Variants in TMEM164 observed in about 807,000 individuals in gnomAD.
TMEM164 encodes the protein RP13-360B22.2.
Under a neutral mutation model 18.8 loss-of-function variants are expected in TMEM164, and 4 were observed. The observed-to-expected ratio is 0.21, with a 90% confidence interval of 0.10 to 0.49. The LOEUF (loss-of-function observed/expected upper bound fraction) is 0.49, where lower values mean the gene tolerates loss of function less well. Ranked by LOEUF, TMEM164 falls within the 20% of genes least tolerant of loss-of-function variation. TMEM164 has a pLI of 0.98. For synonymous variants in TMEM164, 86 were observed against 101.7 expected (o/e 0.85, Z 0.93); for missense variants, 108 against 239.9 (o/e 0.45, Z 3.63).
chrX:110,011,557 T>C (rs770503326), intron 2 of TMEM164, among the ~76,000 whole-genome samples: 8 of 112,307 alleles, frequency 7.1e-5, no homozygotes, highest in Admixed American at 5.6e-4. Context: ...AAAGGCTATG[T>C]GCTATCTCCC....
intron 4 of TMEM164, among the ~76,000 whole-genome samples, chrX:110,128,819 C>A (rs2066571665): frequency 9.0e-6 from 1 of 111,439 alleles, no homozygotes; most frequent in Non-Finnish European, 1.9e-5. Flanking sequence ...GTTTTTATTT[C>A]AGTTATTATA....
downstream of TMEM164, among the ~76,000 whole-genome samples, chrX:110,182,098 C>CT (rs887218541): frequency 1.1e-4 from 12 of 109,521 alleles, no homozygotes; most frequent in Non-Finnish European, 1.9e-4. Context: ...TAATCAGCAC[C>CT]TTTTTTTTTC....
At chrX:110,041,698 G>A (rs1935100819) in intron 2 of TMEM164, among the ~76,000 whole-genome samples, 1 of 111,906 alleles carries the variant, frequency 8.9e-6, no homozygotes, top group South Asian at 3.7e-4. Flanking sequence ...ACGAACAAAC[G>A]ATCAGAAGTA....
intron 2 of TMEM164, among the ~76,000 whole-genome samples, chrX:110,047,136 C>G (rs779786506): frequency 4.5e-5 from 5 of 111,710 alleles, no homozygotes; most frequent in South Asian, 3.7e-4. Context: ...AATTATCAAC[C>G]CTTCTCTTTC....
At chrX:110,172,728 T>C (rs2067247751) in intron 6 of TMEM164, among the ~76,000 whole-genome samples, 1 of 111,710 alleles carries the variant, frequency 9.0e-6, no homozygotes, top group South Asian at 3.8e-4. Context: ...ATGAGTCCAT[T>C]CAGGTACCAC....
intron 5 of TMEM164, among the ~76,000 whole-genome samples, chrX:110,156,460 A>T (rs2067017351): frequency 9.0e-6 from 1 of 111,177 alleles, no homozygotes; most frequent in African/African-American, 3.3e-5. Flanking sequence ...TTGAGGTGCT[A>T]TGGGAATAAG....
In TMEM164 at chrX:110,176,285, A is replaced by G. The variant is rs1171318255; in HGVS notation, c.*2834A>G. ...CACTCCAAATAGCAGAGACCCAGTCACGCCTGCTTCTGGTCCTCCCTGCCC... is the reference window on the plus strand; with the variant it reads ...CACTCCAAATAGCAGAGACCCAGTCGCGCCTGCTTCTGGTCCTCCCTGCCC... On this transcript the variant is annotated 3_prime_UTR_variant, in exon 7 of 7. Coordinates refer to ENST00000372068, the MANE Select transcript of TMEM164 (RefSeq NM_032227.4). 6.6e-6 allele frequency: 5 copies of G among 754,694 alleles called. No individual in the cohort carries two copies. The East Asian group carries it at 4.6e-4, about 69-fold the overall frequency. 62.2% of individuals were successfully genotyped at this position (754,694 alleles called of 1,213,427 possible).
chrX:110,108,240 A>G (rs2147973504), intron 3 of TMEM164, among the ~76,000 whole-genome samples: 1 of 109,419 alleles, frequency 9.1e-6, no homozygotes, highest in South Asian at 4.0e-4. Flanking sequence ...ACAGACTGTC[A>G]TTCTTTTCAT....
At chrX:110,067,997 G>A (rs1470557501) in intron 3 of TMEM164, among the ~76,000 whole-genome samples, 1 of 112,535 alleles carries the variant, frequency 8.9e-6, no homozygotes. Flanking sequence ...CGTGAGTTGT[G>A]ACCACCTCAC....
intron 5 of TMEM164, among the ~76,000 whole-genome samples, chrX:110,167,228 C>T (rs961421214): frequency 1.8e-5 from 2 of 112,011 alleles, no homozygotes; most frequent in Admixed American, 1.9e-4. Flanking sequence ...CTCACCAGCC[C>T]TTAGAGGTAG....
intron 4 of TMEM164, among the ~76,000 whole-genome samples, chrX:110,113,157 ATC>A (rs983318016): frequency 2.7e-5 from 3 of 112,182 alleles, no homozygotes; most frequent in African/African-American, 9.7e-5. Flanking sequence ...CAACTAACTT[ATC>A]AAAAATGTTT....
chrX:110,006,155 A>G (rs747094787), intron 2 of TMEM164, among the ~76,000 whole-genome samples: 5 of 111,478 alleles, frequency 4.5e-5, no homozygotes, highest in Admixed American at 9.5e-5. Flanking sequence ...TCTTGTCTCC[A>G]TAAGTCGTAG....
chrX:110,051,667 G>T (rs1379322598), intron 2 of TMEM164, among the ~76,000 whole-genome samples: 1 of 111,255 alleles, frequency 9.0e-6, no homozygotes, highest in Non-Finnish European at 1.9e-5. Flanking sequence ...TGTAACAGTG[G>T]CTTGAGGATT....
intron 2 of TMEM164, among the ~76,000 whole-genome samples, chrX:110,038,181 C>G (rs1443961294): frequency 9.2e-6 from 1 of 109,037 alleles, no homozygotes; most frequent in Non-Finnish European, 1.9e-5. Context: ...TAGTAGAGAA[C>G]GGGGTTTCAC....
intron 3 of TMEM164, among the ~76,000 whole-genome samples, chrX:110,100,638 C>T (rs983532968): frequency 8.9e-6 from 1 of 111,936 alleles, no homozygotes; most frequent in Non-Finnish European, 1.9e-5. Context: ...GTGGCACAAT[C>T]TCGGCTCACT....
intron 3 of TMEM164, among the ~76,000 whole-genome samples, chrX:110,080,634 T>C (rs2065739414): frequency 8.9e-6 from 1 of 112,454 alleles, no homozygotes; most frequent in Non-Finnish European, 1.9e-5. Context: ...AATATAGTTA[T>C]ACCTTATATT....
intron 2 of TMEM164, among the ~76,000 whole-genome samples, chrX:110,022,098 G>C (rs776499358): frequency 2.7e-5 from 3 of 111,757 alleles, no homozygotes; most frequent in Non-Finnish European, 3.8e-5. Flanking sequence ...AGGCATTTAA[G>C]AAAAAACTCC....
chrX:110,071,497 G>A (rs756241367), intron 3 of TMEM164, among the ~76,000 whole-genome samples: 7 of 109,399 alleles, frequency 6.4e-5, no homozygotes, highest in Non-Finnish European at 1.1e-4. Context: ...ATACATTGCT[G>A]GGTTCTATTT....
intron 2 of TMEM164, among the ~76,000 whole-genome samples, chrX:110,038,378 C>T (rs1426847181): frequency 9.0e-6 from 1 of 111,033 alleles, no homozygotes; most frequent in Non-Finnish European, 1.9e-5. Context: ...AACCCAGCCA[C>T]CCTCATTCTC....
Sources: allele counts gnomAD v4.1 joint callset (sites outside exome capture counted in the v4.1 genomes callset), GRCh38; gene constraint gnomAD v4.1.1; transcripts MANE v1.5; gene names NCBI Gene and HGNC (gene_info 2026-07-23, HGNC 2026-07-21).